The following LDLRAD3 variants were observed in gnomAD, a reference collection of about 807,000 sequenced individuals.
LDLRAD3 encodes low density lipoprotein receptor class A domain containing 3, also known as low-density lipoprotein receptor class A domain-containing protein 3.
LDLRAD3 carries 20 observed loss-of-function variants against 29.4 expected under a neutral mutation model. The observed-to-expected ratio is 0.68, with a 90% CI of 0.48 to 0.99. LDLRAD3 has a LOEUF of 0.99. Among genes scored for constraint, LDLRAD3 ranks in the 50% least tolerant of loss-of-function variants. The probability of loss-of-function intolerance (pLI) is 0.00; values close to 1 mark genes in which losing one functional copy is unlikely to be tolerated. For missense variants in LDLRAD3, 420 were observed against 454.3 expected (o/e 0.92, Z 0.69); for synonymous variants, 157 against 192.7 (o/e 0.81, Z 1.53).
At chr11:36,083,471 T>C (rs1441033293) in intron 3 of LDLRAD3, among the ~76,000 whole-genome samples, 1 of 152,194 alleles carries the variant, frequency 6.6e-6, no homozygotes, top group Admixed American at 6.5e-5. Flanking sequence ...TATCCCATTG[T>C]TGGAGATACT....
chr11:36,160,174 T>C (rs938082800), intron 4 of LDLRAD3, among the ~76,000 whole-genome samples: 1 of 152,178 alleles, frequency 6.6e-6, no homozygotes, highest in Non-Finnish European at 1.5e-5. Context: ...TGAATGAACG[T>C]CCTGGTGAAG....
chr11:36,036,228 A>G lies in LDLRAD3; in HGVS notation c.172A>G (p.Lys58Glu). The G allele has an allele frequency of 6.2e-7, 1 of 1,613,866 alleles. No homozygotes were observed. The highest frequency in any genetic ancestry group is 1.1e-5 in the South Asian group (1 of 91,062). Residue 58 changes from lysine to glutamate, a missense_variant, in exon 2 of 6, where the codon AAG becomes GAG. Physicochemically the swap from Lys to Glu is moderately conservative, Grantham distance 56. Around this residue, in one of 3 missense-constraint regions of LDLRAD3, gnomAD observed 224 missense variants for 222.2 expected, o/e 1.01. Transcript: ENST00000315571. ...TGACGGGCTGCCTGACTGCTTCGAC[A>G]AGAGTGATGAGAAGGAGTGCCGTGA... Reference protein sequence around the residue: ...QCDGLPDCFDKSDEKECPKAK... With the variant: ...QCDGLPDCFDESDEKECPKAK...
intron 2 of LDLRAD3, among the ~76,000 whole-genome samples, chr11:36,073,555 GGGA>G (rs1852943541): frequency 6.6e-6 from 1 of 152,260 alleles, no homozygotes; most frequent in South Asian, 2.1e-4. Context: ...CATGCAGGCA[GGGA>G]GCAGCTGACA....
intron 2 of LDLRAD3, among the ~76,000 whole-genome samples, chr11:36,059,228 G>A (rs2133231614): frequency 6.6e-6 from 1 of 152,250 alleles, no homozygotes; most frequent in African/African-American, 2.4e-5. Context: ...TAGCTGGTCA[G>A]TAATTCATGC....
intron 4 of LDLRAD3, among the ~76,000 whole-genome samples, chr11:36,194,003 AG>A (rs1424714208): frequency 6.6e-6 from 1 of 152,244 alleles, no homozygotes; most frequent in Non-Finnish European, 1.5e-5. Context: ...TTGAGAGGTG[AG>A]ATAACACATG....
At chr11:36,108,960 G>A (rs1007545889) in intron 4 of LDLRAD3, among the ~76,000 whole-genome samples, 6 of 152,110 alleles carry the variant, frequency 3.9e-5, no homozygotes, top group Non-Finnish European at 8.8e-5. Context: ...TCAGGGTAAG[G>A]GGGGATTCTG....
intron 4 of LDLRAD3, among the ~76,000 whole-genome samples, chr11:36,165,303 G>A (rs1854497724): frequency 6.6e-6 from 1 of 150,882 alleles, no homozygotes; most frequent in Non-Finnish European, 1.5e-5. Context: ...TTTAGATTTT[G>A]TCAATACATT....
chr11:36,045,013 TC>T (rs1852429946), intron 2 of LDLRAD3, among the ~76,000 whole-genome samples: 1 of 152,200 alleles, frequency 6.6e-6, no homozygotes, highest in Admixed American at 6.5e-5. Flanking sequence ...TCAGCACCAC[TC>T]CCTATGGCCT....
At chr11:36,078,665 A>G (rs1853058242) in intron 2 of LDLRAD3, among the ~76,000 whole-genome samples, 1 of 152,296 alleles carries the variant, frequency 6.6e-6, no homozygotes. Context: ...AGCCATGCCC[A>G]GAAGGGTGGG....
intron 4 of LDLRAD3, among the ~76,000 whole-genome samples, chr11:36,106,590 G>A (rs373860295): frequency 1.3e-5 from 2 of 152,138 alleles, no homozygotes; most frequent in African/African-American, 2.4e-5. Flanking sequence ...TAGGCAGAGG[G>A]GTCACCAAAT....
chr11:36,116,957 T>G (rs1853683970), intron 4 of LDLRAD3, among the ~76,000 whole-genome samples: 1 of 151,802 alleles, frequency 6.6e-6, no homozygotes, highest in Non-Finnish European at 1.5e-5. Flanking sequence ...TTCTCGTGCC[T>G]CAGCCTCCTG....
chr11:35,990,602 G>A (rs1443122404), intron 1 of LDLRAD3, among the ~76,000 whole-genome samples: 1 of 151,422 alleles, frequency 6.6e-6, no homozygotes, highest in African/African-American at 2.4e-5. Context: ...TTTTAGTAGA[G>A]ATGGGGTTTT....
intron 4 of LDLRAD3, among the ~76,000 whole-genome samples, chr11:36,146,002 T>A (rs374088875): frequency 4.5e-3 from 623 of 138,418 alleles, no homozygotes; most frequent in African/African-American, 8.4e-3. Flanking sequence ...GAATGATCAA[T>A]AAAAAAAAGA....
intron 2 of LDLRAD3, among the ~76,000 whole-genome samples, chr11:36,058,281 T>C (rs533944253): frequency 7.9e-5 from 12 of 152,262 alleles, no homozygotes; most frequent in Admixed American, 7.8e-4. Flanking sequence ...AACACTGGAA[T>C]CTCACTGGAG....
chr11:36,212,948 C>G (rs1027364951), intron 4 of LDLRAD3, among the ~76,000 whole-genome samples: 1 of 152,218 alleles, frequency 6.6e-6, no homozygotes, highest in Non-Finnish European at 1.5e-5. Flanking sequence ...AAAACCTCTG[C>G]AGTCTTTTGG....
At chr11:36,142,153 G>T (rs1427312749) in intron 4 of LDLRAD3, among the ~76,000 whole-genome samples, 1 of 152,128 alleles carries the variant, frequency 6.6e-6, no homozygotes, top group South Asian at 2.1e-4. Context: ...CCCATCCTTA[G>T]CAGCCTCTGT....
chr11:35,998,978 C>G (rs114725660), intron 1 of LDLRAD3, among the ~76,000 whole-genome samples: 2,687 of 152,256 alleles, frequency 0.018, 86 homozygotes, highest in African/African-American at 0.059. Context: ...TCGTTCAGGA[C>G]ACATTTAATG....
chr11:36,227,362 C>G lies in LDLRAD3; in HGVS notation c.732C>G (p.Ser244Arg). ...ATAATGGCATCCAGTATGTGGCCAG[C>G]CAGGCGGAGCAGAATGCGTCGGAAG... Reference protein sequence around the residue: ...NVNNGIQYVASQAEQNASEVG... With the variant: ...NVNNGIQYVARQAEQNASEVG... The change falls in exon 5 of 6, where the codon AGC (serine) becomes AGG (arginine). Residue 244 changes from serine to arginine, a missense_variant. This residue lies in a region of LDLRAD3 where 140 missense variants were observed against 139.9 expected (regional missense o/e 1.00). Transcript: ENST00000315571. 6.2e-7 allele frequency: 1 copy of G among 1,613,722 alleles called. No homozygotes were observed. The highest frequency in any genetic ancestry group is 8.5e-7 in the Non-Finnish European group (1 of 1,179,838).
intron 4 of LDLRAD3, among the ~76,000 whole-genome samples, chr11:36,157,047 T>G (rs1285258403): frequency 1.3e-5 from 2 of 152,216 alleles, no homozygotes; most frequent in African/African-American, 2.4e-5. Flanking sequence ...GTAAGGGCTG[T>G]AATTTTCAGC....
Sources: gnomAD v4.1 joint callset for allele counts (sites outside exome capture counted in the v4.1 genomes callset) on GRCh38, gnomAD v4.1.1 for gene constraint, gnomAD v4.1.1 regional missense constraint, MANE v1.5 for transcripts, NCBI Gene and HGNC (gene_info 2026-07-23, HGNC 2026-07-21) for gene names.